The following TERT variants were observed in gnomAD, a reference collection of about 807,000 sequenced individuals.
TERT encodes telomerase reverse transcriptase.
In TERT, 42 loss-of-function variants were observed where a neutral mutation model predicts 104.0. The observed-to-expected ratio is 0.40, with a 90% CI of 0.32 to 0.52. The LOEUF (loss-of-function observed/expected upper bound fraction) is 0.52, where lower values mean the gene tolerates loss of function less well. TERT is among the 20% of genes least tolerant of loss of function. The probability of loss-of-function intolerance (pLI) is 0.43; values close to 1 mark genes in which losing one functional copy is unlikely to be tolerated. For synonymous variants in TERT, 781 were observed against 725.6 expected, an observed-to-expected ratio of 1.08 and a Z score of -1.23; for missense variants, 1,101 against 1,610.3, an observed-to-expected ratio of 0.68 and a Z score of 5.41.
rs530725351 is a variant in TERT at position 1,256,819 on chromosome 5, T to C, written c.3033-1408A>G. Among the ~76,000 whole-genome samples the C allele has an allele frequency of 1.1e-4, 17 of 152,330 alleles. No individual in the cohort carries two copies. In the East Asian group the frequency reaches 3.3e-3, roughly 29 times the overall value. On this transcript the variant is annotated intron_variant, in intron 13 of 15. Coordinates refer to ENST00000310581, the MANE Select transcript of TERT (RefSeq NM_198253.3). This position sits in a 1 kb window ranked among gnomAD's most constrained non-coding sequence, Gnocchi z 7.0. ...AACACCTAGCATGGGTGAGGGGCTC[T>C]CTTCCAAAGGGAGAAATAGCCACCT...
chr5:1,264,118 C>G (rs979217242), intron 11 of TERT: 2 of 485,798 alleles, frequency 4.1e-6, no homozygotes, highest in Admixed American at 3.3e-5. Flanking sequence ...GTCTTGGGTT[C>G]GGATCCAGAC....
rs536656415 is a variant in TERT, at chr5:1,283,216, G to A, written c.1574-592C>T. 1.8e-3 allele frequency among the ~76,000 whole-genome samples: 258 copies of A among 143,440 alleles called. 3 individuals are homozygous for A. Among genetic ancestry groups the A allele is most frequent in the Non-Finnish European group, 2.9e-3 (193 of 65,704 alleles). The allele number at this position is 143,440 out of a possible 152,430, so 94.1% of individuals were successfully genotyped here. On this transcript the variant is annotated intron_variant, in intron 2 of 15. Coordinates refer to ENST00000310581, the MANE Select transcript of TERT (RefSeq NM_198253.3). The stretch of plus-strand genomic sequence containing the variant: ...GACACCACACATCCAGCTAACCGCA[G>A]GGCCTGGTGACCTCACCCCGGACCT...
intron 2 of TERT, among the ~76,000 whole-genome samples, chr5:1,291,859 G>A (rs1364450395): frequency 6.6e-6 from 1 of 152,202 alleles, no homozygotes; most frequent in African/African-American, 2.4e-5. Context: ...CCTGATCAGA[G>A]AACTCAAACT....
chr5:1,288,461 C>G lies in TERT; in HGVS notation c.1573+4852G>C, dbSNP rs915633053. On this transcript the variant is annotated intron_variant, in intron 2 of 15. Transcript: ENST00000310581. This position sits in a 1 kb window ranked among gnomAD's most constrained non-coding sequence, Gnocchi z 5.3. ...GGAGACACCGGCCCTCCACGTGGGT[C>G]TCAGAGCAGGAGACAGACAGAGACA... Among the ~76,000 whole-genome samples the G allele has an allele frequency of 6.6e-6, 1 of 152,182 alleles. No homozygotes were observed. The highest frequency in any genetic ancestry group is 2.4e-5 in the African/African-American group (1 of 41,442).
At chr5:1,275,476 T>C (rs1264702664) in intron 6 of TERT, among the ~76,000 whole-genome samples, 1 of 151,186 alleles carries the variant, frequency 6.6e-6, no homozygotes, top group African/African-American at 2.4e-5. Flanking sequence ...TCCAGGCCAA[T>C]GAACACAAGG....
At chr5:1,253,924 C>A (rs1747525554) in intron 15 of TERT, 93 bp from the exon 16 acceptor site, 1 of 1,376,672 alleles carries the variant, frequency 7.3e-7, no homozygotes, top group Admixed American at 2.0e-5. Flanking sequence ...GCAGGCAGGG[C>A]CTGCACCTCG....
chr5:1,290,616 C>T (rs375826639), intron 2 of TERT, among the ~76,000 whole-genome samples: 20 of 65,998 alleles, frequency 3.0e-4, no homozygotes, highest in South Asian at 1.1e-3. Flanking sequence ...TCACCCTGAA[C>T]GTGACAGGGA....
intron 6 of TERT, among the ~76,000 whole-genome samples, chr5:1,278,073 C>G (rs1041296852): frequency 3.3e-5 from 5 of 152,106 alleles, no homozygotes. Context: ...CTGGGGGTGC[C>G]AGGGGTCCAG....
chr5:1,287,644 C>T lies in TERT; in HGVS notation c.1574-5020G>A, dbSNP rs1750578669. ...TAGATTACTAGAGACATAGAAGTCT[C>T]CAAAAGATTCACTCATCAGGAAGAT... On this transcript the variant is annotated intron_variant, in intron 2 of 15. Transcript: ENST00000310581. The surrounding 1 kb of genome is among the most constrained non-coding windows in gnomAD (Gnocchi z 4.3). Among the ~76,000 whole-genome samples the T allele has an allele frequency of 6.6e-6, 1 of 151,762 alleles. No individual in the cohort carries two copies. Among genetic ancestry groups the T allele is most frequent in the African/African-American group, 2.4e-5 (1 of 41,266 alleles).
At position 1,261,731 on chromosome 5, in the gene TERT, C is replaced by T. The variant is rs756584916; in HGVS notation, c.2844-1131G>A. On this transcript the variant is annotated intron_variant, in intron 11 of 15. Transcript: ENST00000310581. The surrounding 1 kb of genome is among the most constrained non-coding windows in gnomAD (Gnocchi z 7.4). ...GTCCATTTCTTCTTTCACAGCCATCCCCAACACGACCTTGGGCTCCGGCTC... is the reference window on the plus strand; with the variant it reads ...GTCCATTTCTTCTTTCACAGCCATCTCCAACACGACCTTGGGCTCCGGCTC... Among the ~76,000 whole-genome samples the T allele has an allele frequency of 3.9e-5, 6 of 152,200 alleles. No individual in the cohort carries two copies. The highest frequency in any genetic ancestry group is 7.2e-5 in the African/African-American group (3 of 41,456).
At position 1,290,548 on chromosome 5, in the gene TERT, G is replaced by A. The variant is rs1286321152; in HGVS notation, c.1573+2765C>T. ...CACCCTGCACGTGACAGGGACACCC[G>A]GGGACGGTGCCTCACTCACCCTACA... On this transcript the variant is annotated intron_variant, in intron 2 of 15. Coordinates refer to ENST00000310581, the MANE Select transcript of TERT (RefSeq NM_198253.3). Among the ~76,000 whole-genome samples the A allele has an allele frequency of 1.1e-4, 7 of 61,654 alleles. No individual in the cohort carries two copies. The East Asian group carries it at 1.7e-3, about 15-fold the overall frequency. 40.4% of individuals were successfully genotyped at this position (61,654 alleles called of 152,430 possible). A position where few individuals can be genotyped will look rare whatever the true frequency, so the allele number is the denominator to read the frequency against.
At chr5:1,279,266 G>A in intron 5 of TERT, 25 bp downstream of exon 5, 1 of 1,557,796 alleles carries the variant, frequency 6.4e-7, no homozygotes, top group Non-Finnish European at 8.7e-7. Context: ...CAGCAGGGCT[G>A]CTCACGGGGG....
At chr5:1,291,774 G>A (rs1041235769) in intron 2 of TERT, among the ~76,000 whole-genome samples, 21 of 151,232 alleles carry the variant, frequency 1.4e-4, no homozygotes, top group African/African-American at 4.9e-5. Context: ...CGGGGACCAC[G>A]CCTCACTCCC....
rs1749396504 is a variant in TERT, at chr5:1,274,451, A to G, written c.2287-2171T>C. 6.6e-6 allele frequency among the ~76,000 whole-genome samples: 1 copy of G among 152,256 alleles called. No individual in the cohort carries two copies. The highest frequency in any genetic ancestry group is 1.5e-5 in the Non-Finnish European group (1 of 68,034). On this transcript the variant is annotated intron_variant, in intron 6 of 15. Coordinates refer to ENST00000310581, the MANE Select transcript of TERT (RefSeq NM_198253.3). The surrounding 1 kb of genome is among the most constrained non-coding windows in gnomAD (Gnocchi z 5.3). ...CAGGGTCCCCAACCATTGTGGTACC[A>G]GGGACTGGTTTCGTGGAAGACGATT...
At position 1,294,208 on chromosome 5, in the gene TERT, G is replaced by A. The variant is rs779611656; in HGVS notation, c.678C>T (p.Gly226=). The A allele has an allele frequency of 6.3e-7, 1 of 1,580,472 alleles. No individual in the cohort carries two copies. The highest frequency in any genetic ancestry group is 8.6e-7 in the Non-Finnish European group (1 of 1,168,536). ...GCAACGGCAGACTTCGGCTGGCACT[G>A]CCCCCGCGCCTCCTCGCACCCGGGG... ...LPAPGARRRG[G]SASRSLPLPK... is the part of the protein sequence containing the mutation. The change falls in exon 2 of 16, where the codon GGC becomes GGT. Residue 226 remains glycine (G), a synonymous_variant. Transcript: ENST00000310581.
Position 1,254,471 on chromosome 5 carries a change from A to G in TERT, c.3192T>C (p.Pro1064=). 1 of 1,612,846 alleles carries G rather than the reference A, an allele frequency of 6.2e-7. No individual in the cohort carries two copies. Among genetic ancestry groups the G allele is most frequent in the Non-Finnish European group, 8.5e-7 (1 of 1,179,882 alleles). ...GCCACTGCACGGCCTCGGAGGGCAG[A>G]GGGCCGGCGGCGCCCTTGGCCCCCA... ...MSLGAKGAAG[P]LPSEAVQWLC... Residue 1064 remains proline (P), a synonymous_variant, in exon 15 of 16, where the codon CCT becomes CCC. Transcript: ENST00000310581.
At chr5:1,275,991 T>C (rs1418242973) in intron 6 of TERT, among the ~76,000 whole-genome samples, 335 of 18,838 alleles carry the variant, frequency 0.018, no homozygotes, top group African/African-American at 0.02. Context: ...AAAAACCAAC[T>C]CCACAGATCC....
intron 7 of TERT, 131 bp from the exon 8 acceptor site, chr5:1,271,335 C>A: frequency 1.4e-6 from 1 of 737,346 alleles, no homozygotes. Flanking sequence ...GGCTGGAATG[C>A]AGGGCCATCG....
intron 3 of TERT, 33 bp downstream of exon 3, chr5:1,282,396 G>A (rs758971304): frequency 1.6e-5 from 25 of 1,610,670 alleles, no homozygotes; most frequent in Admixed American, 1.0e-4. Flanking sequence ...CCAGGACTTC[G>A]AGAAGCAGAG....
Sources: gnomAD v4.1 joint callset for allele counts (sites outside exome capture counted in the v4.1 genomes callset) on GRCh38, gnomAD v4.1.1 for gene constraint, Gnocchi (gnomAD v3.1) non-coding constraint, MANE v1.5 for transcripts, NCBI Gene and HGNC (gene_info 2026-07-23, HGNC 2026-07-21) for gene names.